The following ASAP1 variants were observed in gnomAD, a reference collection of about 807,000 sequenced individuals.
The protein encoded by ASAP1 is ArfGAP with SH3 domain, ankyrin repeat and PH domain 1.
Under a neutral mutation model 145.2 loss-of-function variants are expected in ASAP1, and 43 were observed. That is an observed-to-expected ratio of 0.30 (90% CI 0.23 to 0.38). ASAP1 has a LOEUF of 0.38. Ranked by LOEUF, ASAP1 falls within the 10% of genes least tolerant of loss-of-function variation. ASAP1 has a pLI of 1.00. For missense variants in ASAP1, 1,018 were observed against 1,355.3 expected, an observed-to-expected ratio of 0.75 and a Z score of 3.91; for synonymous variants, 546 against 515.5, an observed-to-expected ratio of 1.06 and a Z score of -0.80.
intron 4 of ASAP1, among the ~76,000 whole-genome samples, chr8:130,230,089 C>T (rs959428540): frequency 6.6e-6 from 1 of 151,248 alleles, no homozygotes; most frequent in African/African-American, 2.4e-5. Flanking sequence ...AACAAACAAA[C>T]AAACAAACAA....
chr8:130,385,779 C>T (rs1001804783), intron 2 of ASAP1, among the ~76,000 whole-genome samples: 1 of 152,248 alleles, frequency 6.6e-6, no homozygotes, highest in African/African-American at 2.4e-5. Flanking sequence ...ACTCTCCCTA[C>T]ATCCAGTTAC....
At chr8:130,081,673 C>T (rs796134858) in intron 25 of ASAP1, among the ~76,000 whole-genome samples, 4 of 152,212 alleles carry the variant, frequency 2.6e-5, no homozygotes, top group African/African-American at 7.2e-5. Context: ...ATTCATCCAG[C>T]CTTCCTTCCT....
chr8:130,394,347 C>CTGTA (rs1358322506), intron 2 of ASAP1, among the ~76,000 whole-genome samples: 3 of 152,128 alleles, frequency 2.0e-5, no homozygotes, highest in Admixed American at 1.3e-4. Flanking sequence ...ATGGTCGAGA[C>CTGTA]TGTAGGGATG....
chr8:130,115,109 C>T (rs550854949), intron 23 of ASAP1, among the ~76,000 whole-genome samples: 1 of 152,230 alleles, frequency 6.6e-6, no homozygotes, highest in South Asian at 2.1e-4. Flanking sequence ...GGTGTTTGGT[C>T]AAATACTAGT....
chr8:130,127,653 A>G (rs1297810084), intron 16 of ASAP1, among the ~76,000 whole-genome samples: 1 of 152,162 alleles, frequency 6.6e-6, no homozygotes, highest in African/African-American at 2.4e-5. Flanking sequence ...TACTCTCTCC[A>G]TAATGTCCAT....
intron 3 of ASAP1, among the ~76,000 whole-genome samples, chr8:130,257,863 C>T (rs1460594521): frequency 6.8e-6 from 1 of 146,086 alleles, no homozygotes; most frequent in Non-Finnish European, 1.5e-5. Context: ...GTTATATGCA[C>T]TTGAACCACA....
At chr8:130,110,989 C>T (rs1007260430) in intron 24 of ASAP1, among the ~76,000 whole-genome samples, 1 of 152,010 alleles carries the variant, frequency 6.6e-6, no homozygotes, top group Admixed American at 6.6e-5. Flanking sequence ...CTCAATTATC[C>T]CTACTGGCTG....
At position 130,248,013 on chromosome 8, in the gene ASAP1, G is replaced by A. The variant is rs140779383; in HGVS notation, c.187-11019C>T. 4.1e-4 allele frequency among the ~76,000 whole-genome samples: 63 copies of A among 152,212 alleles called. 2 individuals are homozygous for A. The highest frequency in any genetic ancestry group is 1.5e-3 in the African/African-American group (63 of 41,552). ...TCCAGGTGCCCTTTAAAATACTGGT[G>A]ACTTACTGAAAAACACCACTGAGAG... On this transcript the variant is annotated intron_variant, in intron 3 of 29. Coordinates refer to ENST00000518721, the MANE Select transcript of ASAP1 (RefSeq NM_018482.4).
chr8:130,125,394 G>A (rs1218966034), intron 17 of ASAP1, among the ~76,000 whole-genome samples: 1 of 152,066 alleles, frequency 6.6e-6, no homozygotes, highest in African/African-American at 2.4e-5. Flanking sequence ...AGGAAAACAA[G>A]TTTAAGTGTA....
At chr8:130,189,434 G>A (rs528212027) in intron 5 of ASAP1, among the ~76,000 whole-genome samples, 2 of 151,986 alleles carry the variant, frequency 1.3e-5, no homozygotes, top group South Asian at 4.2e-4. Context: ...TTCTGTACTT[G>A]GCTTATTTCA....
intron 2 of ASAP1, among the ~76,000 whole-genome samples, chr8:130,385,215 C>T (rs570611539): frequency 5.8e-4 from 89 of 152,312 alleles, no homozygotes; most frequent in African/African-American, 1.9e-3. Flanking sequence ...CCTGTAATCC[C>T]AGCAGTTTGG....
chr8:130,063,830 T>G (rs2097424489), intron 27 of ASAP1, among the ~76,000 whole-genome samples: 2 of 152,136 alleles, frequency 1.3e-5, no homozygotes, highest in South Asian at 4.2e-4. Flanking sequence ...TTTCAGGCAC[T>G]TGGGACACAG....
At chr8:130,339,113 T>C (rs1002404071) in intron 3 of ASAP1, among the ~76,000 whole-genome samples, 1 of 152,318 alleles carries the variant, frequency 6.6e-6, no homozygotes, top group South Asian at 2.1e-4. Flanking sequence ...ACAGCGACTC[T>C]TCATTGGAGA....
rs370682878 is a variant in ASAP1 at position 130,231,913 on chromosome 8, T to A, written c.259+5009A>T. On this transcript the variant is annotated intron_variant, in intron 4 of 29. Coordinates refer to ENST00000518721, the MANE Select transcript of ASAP1 (RefSeq NM_018482.4). ...GGGAAAGCCAGCCCCACTCCTACTG[T>A]ACTGACCCAGGGTCTCTCACAAAGA... 1.2e-3 allele frequency among the ~76,000 whole-genome samples: 187 copies of A among 152,348 alleles called. 3 individuals carry two copies. Among genetic ancestry groups the A allele is most frequent in the African/African-American group, 4.4e-3 (181 of 41,586 alleles).
chr8:130,174,091 C>CA (rs57123447), intron 9 of ASAP1, among the ~76,000 whole-genome samples: 4,292 of 61,002 alleles, frequency 0.07, 53 homozygotes, highest in African/African-American at 0.085. Context: ...ACTCCGTCTC[C>CA]AAAAAAAAAA....
At chr8:130,222,931 G>A (rs1480534647) in intron 4 of ASAP1, among the ~76,000 whole-genome samples, 18 of 152,120 alleles carry the variant, frequency 1.2e-4, no homozygotes, top group Non-Finnish European at 2.6e-4. Context: ...TTAGCCAGAT[G>A]CCAAGTGATT....
chr8:130,304,269 C>G (rs540813130), intron 3 of ASAP1, among the ~76,000 whole-genome samples: 2 of 150,848 alleles, frequency 1.3e-5, no homozygotes, highest in Admixed American at 1.3e-4. Context: ...TTATACTGCC[C>G]GGAAAAGAAC....
chr8:130,314,000 C>T (rs1252599761), intron 3 of ASAP1, among the ~76,000 whole-genome samples: 1 of 152,172 alleles, frequency 6.6e-6, no homozygotes, highest in Non-Finnish European at 1.5e-5. Flanking sequence ...AGCAGCCCAC[C>T]AATCACTCAG....
chr8:130,424,130 A>G (rs374950116), intron 1 of ASAP1, among the ~76,000 whole-genome samples: 13 of 152,378 alleles, frequency 8.5e-5, no homozygotes, highest in African/African-American at 2.4e-4. Flanking sequence ...AAAAGAAACT[A>G]TAAAAGGCCT....
Sources: gnomAD v4.1 joint callset for allele counts (sites outside exome capture counted in the v4.1 genomes callset) on GRCh38, gnomAD v4.1.1 for gene constraint, MANE v1.5 for transcripts, NCBI Gene and HGNC (gene_info 2026-07-23, HGNC 2026-07-21) for gene names.